Variants in TNFAIP2 observed in about 807,000 individuals in gnomAD.
TNFAIP2 encodes tumor necrosis factor alpha-induced protein 2.
Under a neutral mutation model 63.5 loss-of-function variants are expected in TNFAIP2, and 47 were observed. The ratio of observed to expected loss-of-function variants is 0.74; its 90% CI spans 0.59 to 0.94. TNFAIP2 has a LOEUF of 0.94. TNFAIP2 is among the 40% of genes least tolerant of loss of function. The pLI is 0.00. For missense variants in TNFAIP2, 787 were observed against 850.2 expected (o/e 0.93, Z 0.92); for synonymous variants, 405 against 390.2 (o/e 1.04, Z -0.45).
At chr14:103,126,249 C>A in intron 1 of TNFAIP2, 61 bp from the exon 2 acceptor site, 1 of 520,664 alleles carries the variant, frequency 1.9e-6, no homozygotes, top group Non-Finnish European at 3.5e-6. Flanking sequence ...AGCTGTGTGT[C>A]CAGCCTGGGA....
chr14:103,126,169 C>T (rs1417177513), intron 1 of TNFAIP2, 141 bp from the exon 2 acceptor site: 1 of 256,194 alleles, frequency 3.9e-6, no homozygotes, highest in Non-Finnish European at 7.6e-6. Context: ...CTCATCTGGG[C>T]CAGGAGATGA....
chr14:103,121,948 G>A (rs960859343), upstream of TNFAIP2, among the ~76,000 whole-genome samples: 7 of 152,244 alleles, frequency 4.6e-5, no homozygotes, highest in African/African-American at 1.7e-4. Flanking sequence ...GCACAATGAG[G>A]CCACAGCAGC....
chr14:103,133,635 C>G (rs780687320), intron 10 of TNFAIP2, 47 bp from the exon 11 acceptor site: 87 of 1,550,386 alleles, frequency 5.6e-5, no homozygotes, highest in Non-Finnish European at 7.5e-5. Context: ...GTCGCTGACC[C>G]GAGCCTCTGG....
chr14:103,131,930 G>A lies in TNFAIP2; in HGVS notation c.1422+168G>A, dbSNP rs1371279797. ...TCTGGTGCAGCGGTGATGCCCGGTT[G>A]GGGACCCTAGCAGGCTCTGAACTCC... On this transcript the variant is annotated intron_variant, in intron 8 of 11. Coordinates refer to ENST00000560869, the MANE Select transcript of TNFAIP2 (RefSeq NM_006291.4). This position sits in a 1 kb window ranked among gnomAD's most constrained non-coding sequence, Gnocchi z 4.0. Among the ~76,000 whole-genome samples, 2 of 152,034 alleles carry A rather than the reference G, an allele frequency of 1.3e-5. No individual in the cohort carries two copies. Among genetic ancestry groups the A allele is most frequent in the African/African-American group, 2.4e-5 (1 of 41,382 alleles).
chr14:103,135,663 G>A lies in TNFAIP2; in HGVS notation c.*303G>A. On this transcript the variant is annotated 3_prime_UTR_variant, in exon 12 of 12. Transcript: ENST00000560869. This position sits in a 1 kb window ranked among gnomAD's most constrained non-coding sequence, Gnocchi z 7.6. ...CAAGGAAAGAACCAGGAGGGAGAGT[G>A]CAGCCAGGCTCAGGGATCCCCGGAC... 1 of 1,271,548 alleles carries A rather than the reference G, an allele frequency of 7.9e-7. No individual in the cohort carries two copies. Among genetic ancestry groups the A allele is most frequent in the Non-Finnish European group, 1.0e-6 (1 of 996,090 alleles). 78.8% of individuals were successfully genotyped at this position (1,271,548 alleles called of 1,614,324 possible).
At chr14:103,132,934 A>T in intron 9 of TNFAIP2, 62 bp downstream of exon 9, 1 of 1,601,586 alleles carries the variant, frequency 6.2e-7, no homozygotes, top group Admixed American at 1.7e-5. Flanking sequence ...GGACACGCAC[A>T]CTAGCACGTC....
intron 2 of TNFAIP2, 50 bp downstream of exon 2, chr14:103,126,742 G>A: frequency 1.3e-6 from 2 of 1,514,850 alleles, no homozygotes; most frequent in Non-Finnish European, 1.8e-6. Flanking sequence ...GACGGGGTTG[G>A]CGCTCATCCG....
Position 103,131,258 on chromosome 14 carries a change from C to A in TNFAIP2, c.1298+108C>A. 2 of 1,219,288 alleles carry A rather than the reference C, an allele frequency of 1.6e-6. No homozygotes were observed. The highest frequency in any genetic ancestry group is 2.4e-6 in the Non-Finnish European group (2 of 841,944). The allele number at this position is 1,219,288 out of a possible 1,614,324, so 75.5% of individuals were successfully genotyped here. A position where few individuals can be genotyped will look rare whatever the true frequency, so the allele number is the denominator to read the frequency against. On this transcript the variant is annotated intron_variant, in intron 7 of 11. Transcript: ENST00000560869. The surrounding 1 kb of genome is among the most constrained non-coding windows in gnomAD (Gnocchi z 4.0). Reference sequence around the variant, plus strand: ...GCTGCTTAGGCCAAGAAGTGGAATTCAAACCAGCAACATGTGTGAGGACTC... The same window carrying A: ...GCTGCTTAGGCCAAGAAGTGGAATTAAAACCAGCAACATGTGTGAGGACTC...
intron 1 of TNFAIP2, among the ~76,000 whole-genome samples, chr14:103,124,659 G>C (rs1286950259): frequency 1.3e-5 from 2 of 152,230 alleles, no homozygotes; most frequent in Non-Finnish European, 2.9e-5. Flanking sequence ...GGCCCTGCCA[G>C]ACAGACCAGC....
At chr14:103,122,477 G>C, upstream of TNFAIP2, 1 of 351,068 alleles carries the variant, frequency 2.8e-6, no homozygotes, top group South Asian at 2.0e-5. Flanking sequence ...AAATGTCTGG[G>C]TCCTTTCCAG....
At chr14:103,125,011 C>G (rs1304482133) in intron 1 of TNFAIP2, among the ~76,000 whole-genome samples, 1 of 152,196 alleles carries the variant, frequency 6.6e-6, no homozygotes, top group Non-Finnish European at 1.5e-5. Flanking sequence ...CGGATGGGCC[C>G]AGTCTGAGCC....
At position 103,130,375 on chromosome 14, in the gene TNFAIP2, A is replaced by T; in HGVS notation, c.1159A>T (p.Lys387Ter). The change falls in exon 6 of 12, where the codon AAG (lysine) becomes TAG (stop). Residue 387 changes from lysine (K) to a stop codon, truncating the protein, a stop_gained. Transcript: ENST00000560869. LOFTEE classifies it high-confidence loss of function. ...CACGCTGGACTTGGGCTCACAGATAAAGCGGGTGCTGCTGGTGGAGCTGCC... is the reference window on the plus strand; with the variant it reads ...CACGCTGGACTTGGGCTCACAGATATAGCGGGTGCTGCTGGTGGAGCTGCC... ...SITLDLGSQI[K>*]RVLLVELPAF... 6.4e-7 allele frequency: 1 copy of T among 1,569,912 alleles called. No individual in the cohort carries two copies. The highest frequency in any genetic ancestry group is 8.6e-7 in the Non-Finnish European group (1 of 1,157,048).
At chr14:103,126,910 G>T in intron 2 of TNFAIP2, 95 bp from the exon 3 acceptor site, 1 of 1,405,926 alleles carries the variant, frequency 7.1e-7, no homozygotes, top group Non-Finnish European at 9.3e-7. Flanking sequence ...CCGGCCCTGT[G>T]CGCGTCTAGG....
chr14:103,132,668 T>C (rs1566965109), intron 8 of TNFAIP2, 82 bp from the exon 9 acceptor site: 1 of 1,545,988 alleles, frequency 6.5e-7, no homozygotes, highest in Admixed American at 1.9e-5. Context: ...GGTGTGTGTC[T>C]GTGTCTGCGT....
Position 103,127,141 on chromosome 14 carries a change from G to C in TNFAIP2, c.372G>C (p.Lys124Asn). Residue 124 changes from lysine (K) to asparagine (N), a missense_variant, in exon 3 of 12, where the codon AAG (lysine) becomes AAC (asparagine). This residue lies in a region of TNFAIP2 where 258 missense variants were observed against 228.9 expected (regional missense o/e 1.13). Coordinates refer to ENST00000560869, the MANE Select transcript of TNFAIP2 (RefSeq NM_006291.4). This position sits in a 1 kb window ranked among gnomAD's most constrained non-coding sequence, Gnocchi z 5.1. ...AGGAGCTGGTGCGGCGCCAGAGCAA[G>C]GTGGAGGCGCTGTACGAGCTGCTGC... ...SEEELVRRQS[K>N]VEALYELLRD... 6.0e-5 allele frequency: 66 copies of C among 1,104,140 alleles called. No individual in the cohort carries two copies. Among genetic ancestry groups the C allele is most frequent in the Non-Finnish European group, 7.3e-5 (66 of 904,964 alleles). The allele number at this position is 1,104,140 out of a possible 1,614,324, so 68.4% of individuals were successfully genotyped here. A position where few individuals can be genotyped will look rare whatever the true frequency, so the allele number is the denominator to read the frequency against.
chr14:103,126,795 G>T, intron 2 of TNFAIP2, 103 bp downstream of exon 2: 1 of 1,368,424 alleles, frequency 7.3e-7, no homozygotes, highest in Non-Finnish European at 9.8e-7. Context: ...AGTGGGGCTG[G>T]AAGGCGCGTC....
chr14:103,129,687 T>G, intron 3 of TNFAIP2, 53 bp from the exon 4 acceptor site: 1 of 1,530,486 alleles, frequency 6.5e-7, no homozygotes. Context: ...CTAGCTTGAG[T>G]GGTGGTGCTG....
At position 103,126,349 on chromosome 14, in the gene TNFAIP2, G is replaced by C. The variant is rs1244674376; in HGVS notation, c.-109G>C. The C allele has an allele frequency of 1.3e-6, 1 of 743,410 alleles. No individual in the cohort carries two copies. Among genetic ancestry groups the C allele is most frequent in the African/African-American group, 1.8e-5 (1 of 56,172 alleles). 46.1% of individuals were successfully genotyped at this position (743,410 alleles called of 1,614,324 possible). ...GAACCAGGGTGATGCTGAAGATGAT[G>C]ACCTTCTTCCAAGGCCTCTAGAGCC... On this transcript the variant is annotated 5_prime_UTR_variant, in exon 2 of 12. It removes an upstream start codon present in the reference 5' UTR. Transcript: ENST00000560869.
intron 9 of TNFAIP2, 26 bp downstream of exon 9, chr14:103,132,898 G>C (rs1413033344): frequency 6.2e-7 from 1 of 1,612,278 alleles, no homozygotes; most frequent in African/African-American, 1.3e-5. Context: ...GCTGGTGGCT[G>C]GGTCTTGGGG....
Sources: gnomAD v4.1 joint callset for allele counts (sites outside exome capture counted in the v4.1 genomes callset) on GRCh38, gnomAD v4.1.1 for gene constraint, gnomAD v4.1.1 regional missense constraint, Gnocchi (gnomAD v3.1) non-coding constraint, MANE v1.5 for transcripts, NCBI Gene and HGNC (gene_info 2026-07-23, HGNC 2026-07-21) for gene names.